The following RPL28 variants were observed in gnomAD, a reference collection of about 807,000 sequenced individuals.
The protein encoded by RPL28 is large ribosomal subunit protein eL28.
In RPL28, 4 loss-of-function variants were observed where a neutral mutation model predicts 12.5. The ratio of observed to expected loss-of-function variants is 0.32; its 90% CI spans 0.16 to 0.73. RPL28 has a LOEUF of 0.73. Among genes scored for constraint, RPL28 ranks in the 30% least tolerant of loss-of-function variants. The pLI, the probability that RPL28 is intolerant of heterozygous loss-of-function variation, is 0.66. For synonymous variants in RPL28, 91 were observed against 72.5 expected (o/e 1.26, Z -1.30); for missense variants, 214 against 197.7 (o/e 1.08, Z -0.49).
chr19:55,387,206 T>A (rs1308433345), intron 3 of RPL28: 1 of 1,423,688 alleles, frequency 7.0e-7, no homozygotes. Context: ...ATTCCCTGAA[T>A]GTTCGTGTGA....
At chr19:55,387,822 G>A (rs1237090702) in intron 3 of RPL28, 108 bp from the exon 4 acceptor site, 7 of 1,473,692 alleles carry the variant, frequency 4.7e-6, no homozygotes, top group Middle Eastern at 2.6e-4. Context: ...CACCCGCCAC[G>A]GGCCCACGCT....
rs1013954367 is a variant in RPL28, at chr19:55,390,723, G to C, written c.*2391G>C. ...CCAGCCTGTCTGTGTGGCTGGGCTG[G>C]GGAGGCCACGTCTGGTATCTGAATG... On this transcript the variant is annotated 3_prime_UTR_variant, in exon 5 of 5. Coordinates refer to ENST00000344063, the MANE Select transcript of RPL28 (RefSeq NM_000991.5). The C allele has an allele frequency of 1.0e-6, 1 of 985,462 alleles. No homozygotes were observed. The highest frequency in any genetic ancestry group is 1.2e-6 in the Non-Finnish European group (1 of 829,968). 61.0% of individuals were successfully genotyped at this position (985,462 alleles called of 1,614,324 possible). A position where few individuals can be genotyped will look rare whatever the true frequency, so the allele number is the denominator to read the frequency against.
At chr19:55,393,711 C>T (rs148956679), downstream of RPL28, among the ~76,000 whole-genome samples, 290 of 149,746 alleles carry the variant, frequency 1.9e-3, 1 homozygote, top group African/African-American at 6.5e-3. Context: ...TGGCTCACTG[C>T]GACCTCAGCT....
At chr19:55,401,111 C>G in intron 4 of RPL28, 2 of 389,190 alleles carry the variant, frequency 5.1e-6, no homozygotes, top group South Asian at 7.0e-5. Context: ...TCTACCTCCA[C>G]AGAACAAAGA....
In RPL28 at chr19:55,390,942, GTTGGCCTGGAAA is replaced by G; in HGVS notation, c.*2615_*2626del. On this transcript the variant is annotated 3_prime_UTR_variant, in exon 5 of 5. Coordinates refer to ENST00000344063, the MANE Select transcript of RPL28 (RefSeq NM_000991.5). ...AGCTTTATTCACACAAATCATGTCT[GTTGGCCTGGAAA>G]TTGGAAAACCAGTTAAACCAAAAAC... 2 of 985,450 alleles carry G rather than the reference GTTGGCCTGGAAA, an allele frequency of 2.0e-6. No homozygotes were observed. The highest frequency in any genetic ancestry group is 2.4e-6 in the Non-Finnish European group (2 of 829,946). The allele number at this position is 985,450 out of a possible 1,614,324, so 61.0% of individuals were successfully genotyped here.
At chr19:55,401,642 G>A (rs757533997) in intron 4 of RPL28, 1 of 1,608,374 alleles carries the variant, frequency 6.2e-7, no homozygotes, top group South Asian at 1.1e-5. Flanking sequence ...GCGCCCCCGT[G>A]GATCTCTGTG....
rs1600307166 is a variant in RPL28, at chr19:55,390,858, A to G, written c.*2526A>G. The G allele has an allele frequency of 2.0e-6, 2 of 985,296 alleles. No homozygotes were observed. Among genetic ancestry groups the G allele is most frequent in the Non-Finnish European group, 2.4e-6 (2 of 829,914 alleles). The allele number at this position is 985,296 out of a possible 1,614,324, so 61.0% of individuals were successfully genotyped here. A position where few individuals can be genotyped will look rare whatever the true frequency, so the allele number is the denominator to read the frequency against. On this transcript the variant is annotated 3_prime_UTR_variant, in exon 5 of 5. Coordinates refer to ENST00000344063, the MANE Select transcript of RPL28 (RefSeq NM_000991.5). Reference sequence around the variant, plus strand: ...TGTGCTGAGCAAACGTGGAGACACCATTTCCCTCCTCTAGACCTCATCTTG... The same window carrying G: ...TGTGCTGAGCAAACGTGGAGACACCGTTTCCCTCCTCTAGACCTCATCTTG...
In RPL28 at chr19:55,391,409, C is replaced by G. The variant is rs2089988668; in HGVS notation, c.*3077C>G. ...TGTCTCAGTGTTCACTGCTGTCTCT[C>G]CAGCTCTTAGTCCAGTAGCTGCATG... is the stretch of plus-strand genomic sequence containing the variant. On this transcript the variant is annotated 3_prime_UTR_variant, in exon 5 of 5. Transcript: ENST00000344063. 7.7e-7 allele frequency: 1 copy of G among 1,298,238 alleles called. No homozygotes were observed. The highest frequency in any genetic ancestry group is 1.5e-5 in the African/African-American group (1 of 66,106). 80.4% of individuals were successfully genotyped at this position (1,298,238 alleles called of 1,614,324 possible). A position where few individuals can be genotyped will look rare whatever the true frequency, so the allele number is the denominator to read the frequency against.
intron 4 of RPL28, among the ~76,000 whole-genome samples, chr19:55,397,602 G>A (rs1316883711): frequency 2.0e-5 from 3 of 151,898 alleles, no homozygotes; most frequent in Non-Finnish European, 4.4e-5. Context: ...GGATAGTCTC[G>A]ATCTCCTGAT....
At position 55,389,580 on chromosome 19, in the gene RPL28, G is replaced by A. The variant is rs1324909892; in HGVS notation, c.*1248G>A. Reference sequence around the variant, plus strand: ...CTGTCAGGGCCTCGACTTGCCATTGGTTGGGGTCGTACGGGGCTGGGAGCC... The same window carrying A: ...CTGTCAGGGCCTCGACTTGCCATTGATTGGGGTCGTACGGGGCTGGGAGCC... On this transcript the variant is annotated 3_prime_UTR_variant, in exon 5 of 5. Transcript: ENST00000344063. The A allele has an allele frequency of 1.0e-6, 1 of 985,400 alleles. No homozygotes were observed. The highest frequency in any genetic ancestry group is 6.1e-5 in the Admixed American group (1 of 16,270). 61.0% of individuals were successfully genotyped at this position (985,400 alleles called of 1,614,324 possible).
Position 55,401,883 on chromosome 19 carries a change from G to C in RPL28, c.325-1060G>C, listed in dbSNP as rs1287548261. ...TGCTCCCAACTCAGCTGCAGATCCA[G>C]GCCCCACCTATGCTGCATCCTCCCT... On this transcript the variant is annotated intron_variant, in intron 4 of 4. Coordinates refer to the RPL28 transcript ENST00000560055. 5.7e-6 allele frequency: 6 copies of C among 1,049,260 alleles called. No homozygotes were observed. In the African/African-American group the frequency reaches 6.5e-5, roughly 11 times the overall value. 65.0% of individuals were successfully genotyped at this position (1,049,260 alleles called of 1,614,324 possible).
intron 4 of RPL28, among the ~76,000 whole-genome samples, chr19:55,402,469 G>A (rs1038404726): frequency 2.0e-5 from 3 of 152,206 alleles, no homozygotes; most frequent in Non-Finnish European, 2.9e-5. Flanking sequence ...GTGCAGAGGT[G>A]TGACCTGCAG....
downstream of RPL28, among the ~76,000 whole-genome samples, chr19:55,397,025 G>C (rs35408230): frequency 6.6e-6 from 1 of 152,020 alleles, no homozygotes. Context: ...GACTACAGGT[G>C]CACACCACAG....
In RPL28 at chr19:55,401,565, G is replaced by A. The variant is rs547183178; in HGVS notation, c.325-1378G>A. On this transcript the variant is annotated intron_variant, in intron 4 of 4. Transcript: ENST00000560055. ...CCGGGCCCCCTGGGGCCCCAGGGTCGGTGGAGGAAGCTTCAGTGCCACTGG... is the reference window on the plus strand; with the variant it reads ...CCGGGCCCCCTGGGGCCCCAGGGTCAGTGGAGGAAGCTTCAGTGCCACTGG... 4.2e-5 allele frequency: 67 copies of A among 1,610,158 alleles called. 1 individual carries two copies. Among genetic ancestry groups the A allele is most frequent in the Middle Eastern group, 2.2e-4 (1 of 4,576 alleles).
In RPL28 at chr19:55,386,623, C is replaced by T. The variant is rs1372000824; in HGVS notation, c.135C>T (p.His45=). 4 of 1,614,124 alleles carry T rather than the reference C, an allele frequency of 2.5e-6. No homozygotes were observed. Among genetic ancestry groups the T allele is most frequent in the African/African-American group, 1.3e-5 (1 of 75,066 alleles). Residue 45 remains histidine (H), a synonymous_variant, in exon 3 of 5, where the codon CAC becomes CAT. Coordinates refer to ENST00000344063, the MANE Select transcript of RPL28 (RefSeq NM_000991.5). ...CCTTCCGCTACAACGGACTGATTCA[C>T]CGCAAGACTGTGGGCGTGGAGCCGG... is the stretch of plus-strand genomic sequence containing the variant. ...RNSFRYNGLI[H]RKTVGVEPAA...
At chr19:55,387,312 G>T (rs928830472) in intron 3 of RPL28, 46 of 1,551,538 alleles carry the variant, frequency 3.0e-5, no homozygotes, top group Non-Finnish European at 3.4e-5. Context: ...TCCTTGATTG[G>T]AACTGCCTCA....
chr19:55,399,642 C>T (rs1242944036), intron 4 of RPL28: 1 of 152,212 alleles, frequency 6.6e-6, no homozygotes, highest in Non-Finnish European at 1.5e-5. Flanking sequence ...CAACCCCCTT[C>T]CTGAAGCTAC....
intron 4 of RPL28, among the ~76,000 whole-genome samples, chr19:55,397,935 C>A (rs2090034458): frequency 6.6e-6 from 1 of 152,062 alleles, no homozygotes; most frequent in Admixed American, 6.6e-5. Context: ...GTGGCTCATG[C>A]CTGTAATCCC....
At chr19:55,387,411 G>A (rs1829446046) in intron 3 of RPL28, 5 of 1,544,284 alleles carry the variant, frequency 3.2e-6, no homozygotes, top group African/African-American at 1.4e-5. Context: ...AGTCCAGGGA[G>A]CAGCCAATTG....
Sources: allele counts gnomAD v4.1 joint callset (sites outside exome capture counted in the v4.1 genomes callset), GRCh38; gene constraint gnomAD v4.1.1; transcripts MANE v1.5; gene names NCBI Gene and HGNC (gene_info 2026-07-23, HGNC 2026-07-21).